Variants in TPGS1 observed in about 807,000 individuals in gnomAD.
TPGS1 encodes gene trap ROSA b-geo 22.
A neutral mutation model predicts 11.9 loss-of-function variants in TPGS1; 18 were observed. The ratio of observed to expected loss-of-function variants is 1.51; its 90% CI spans 1.04 to 2.24. The LOEUF (loss-of-function observed/expected upper bound fraction) is 2.24, where lower values mean the gene tolerates loss of function less well. TPGS1 is among the 30% of genes most tolerant of loss of function. The pLI is 0.00. For synonymous variants in TPGS1, 247 were observed against 218.2 expected, an observed-to-expected ratio of 1.13 and a Z score of -1.16; for missense variants, 500 against 443.0, an observed-to-expected ratio of 1.13 and a Z score of -1.16.
intron 1 of TPGS1, among the ~76,000 whole-genome samples, chr19:513,021 C>T (rs1297444889): frequency 6.6e-6 from 1 of 152,220 alleles, no homozygotes; most frequent in African/African-American, 2.4e-5. Context: ...CCTAAGAGAC[C>T]CCAAGCCAGA....
At chr19:510,931 G>C (rs1173528174) in intron 1 of TPGS1, among the ~76,000 whole-genome samples, 2 of 152,250 alleles carry the variant, frequency 1.3e-5, no homozygotes, top group Non-Finnish European at 2.9e-5. Context: ...TCCCCGAGTC[G>C]TGACAACCAC....
chr19:510,329 C>A (rs530414228), intron 1 of TPGS1: 6 of 151,670 alleles, frequency 4.0e-5, no homozygotes, highest in Admixed American at 2.6e-4. Context: ...GCCGAGATCG[C>A]GCCACTGCAC....
At chr19:517,222 G>A (rs994840993) in intron 1 of TPGS1, among the ~76,000 whole-genome samples, 1 of 149,524 alleles carries the variant, frequency 6.7e-6, no homozygotes, top group African/African-American at 2.5e-5. Flanking sequence ...CAGGGGAGGC[G>A]ACATTTGAGG....
rs1309610582 is a variant in TPGS1, at chr19:519,476, G to C, written c.*53G>C. 2 of 1,174,572 alleles carry C rather than the reference G, an allele frequency of 1.7e-6. No homozygotes were observed. The highest frequency in any genetic ancestry group is 2.1e-6 in the Non-Finnish European group (2 of 949,380). 72.8% of individuals were successfully genotyped at this position (1,174,572 alleles called of 1,614,324 possible). A position where few individuals can be genotyped will look rare whatever the true frequency, so the allele number is the denominator to read the frequency against. ...CTGCGCTGGGGGGTCCCCGCGTGCG[G>C]GGCGCGCGGAGCCTTCCCTTCGCCC... On this transcript the variant is annotated 3_prime_UTR_variant, in exon 2 of 2. Coordinates refer to ENST00000359315, the MANE Select transcript of TPGS1 (RefSeq NM_033513.3).
In TPGS1 at chr19:507,688, A is replaced by C. The variant is rs1440172877; in HGVS notation, c.182A>C (p.Glu61Ala). Residue 61 changes from glutamate (E) to alanine (A), a missense_variant, in exon 1 of 2, where the codon GAG becomes GCG. By Grantham distance (107) the Glu-to-Ala change is moderately radical. Transcript: ENST00000359315. The stretch of plus-strand genomic sequence containing the variant: ...CTGAAGGTGCTGGAGGCGCGGCCCG[A>C]GGAGCCGATCGCCTTCCTGGCTCAC... ...ALLKVLEARPEEPIAFLAHYF... is the reference protein window; with the variant it reads ...ALLKVLEARPAEPIAFLAHYF... The C allele has an allele frequency of 7.2e-7, 1 of 1,380,686 alleles. No homozygotes were observed. Among genetic ancestry groups the C allele is most frequent in the Admixed American group, 3.4e-5 (1 of 29,198 alleles). 85.5% of individuals were successfully genotyped at this position (1,380,686 alleles called of 1,614,324 possible).
Position 519,500 on chromosome 19 carries a change from C to G in TPGS1, c.*77C>G. 1 of 1,135,940 alleles carries G rather than the reference C, an allele frequency of 8.8e-7. No individual in the cohort carries two copies. Among genetic ancestry groups the G allele is most frequent in the Non-Finnish European group, 1.1e-6 (1 of 919,172 alleles). 70.4% of individuals were successfully genotyped at this position (1,135,940 alleles called of 1,614,324 possible). ...GGGGCGCGCGGAGCCTTCCCTTCGC[C>G]CTGGTGAGGCCCTGCCATAACCAGG... On this transcript the variant is annotated 3_prime_UTR_variant, in exon 2 of 2. Coordinates refer to ENST00000359315, the MANE Select transcript of TPGS1 (RefSeq NM_033513.3).
chr19:510,372 C>G (rs77140205), intron 1 of TPGS1: 1 of 132,596 alleles, frequency 7.5e-6, no homozygotes, highest in Non-Finnish European at 1.6e-5. Context: ...GACTCTGTCT[C>G]AAAAAAAAAA....
Position 519,185 on chromosome 19 carries a change from T to C in TPGS1, c.635T>C (p.Val212Ala). 10 of 1,487,978 alleles carry C rather than the reference T, an allele frequency of 6.7e-6. No homozygotes were observed. Among genetic ancestry groups the C allele is most frequent in the Non-Finnish European group, 8.9e-6 (10 of 1,126,824 alleles). 92.2% of individuals were successfully genotyped at this position (1,487,978 alleles called of 1,614,324 possible). ...FQLLEDSAAAVADRRVGQAVL... is the reference protein window; with the variant it reads ...FQLLEDSAAAAADRRVGQAVL... Reference sequence around the variant, plus strand: ...CTGCTGGAGGACTCGGCCGCCGCCGTGGCCGACCGCCGCGTGGGCCAGGCC... The same window carrying C: ...CTGCTGGAGGACTCGGCCGCCGCCGCGGCCGACCGCCGCGTGGGCCAGGCC... Residue 212 changes from valine to alanine, a missense_variant, in exon 2 of 2, where the codon GTG becomes GCG. Val to Ala is a moderately conservative substitution (Grantham distance 64). Coordinates refer to ENST00000359315, the MANE Select transcript of TPGS1 (RefSeq NM_033513.3).
At chr19:515,104 G>A (rs1379569238) in intron 1 of TPGS1, among the ~76,000 whole-genome samples, 1 of 152,320 alleles carries the variant, frequency 6.6e-6, no homozygotes, top group African/African-American at 2.4e-5. Context: ...GGTTCTGGTC[G>A]GAAGCTGCCA....
chr19:508,029 C>T (rs764815776), intron 1 of TPGS1, 185 bp downstream of exon 1: 2 of 443,834 alleles, frequency 4.5e-6, no homozygotes, highest in Middle Eastern at 6.0e-4. Flanking sequence ...GGCTTCGGTC[C>T]GGCGCTAGGC....
chr19:512,160 T>TG (rs1978816265), intron 1 of TPGS1, among the ~76,000 whole-genome samples: 1 of 151,268 alleles, frequency 6.6e-6, no homozygotes, highest in African/African-American at 2.4e-5. Flanking sequence ...CATAAGCCAC[T>TG]GTGCCTGGCC....
At chr19:511,138 T>C (rs1978782930) in intron 1 of TPGS1, among the ~76,000 whole-genome samples, 1 of 152,212 alleles carries the variant, frequency 6.6e-6, no homozygotes, top group Admixed American at 6.5e-5. Flanking sequence ...GCTCCCGCTT[T>C]CCATTTTGCA....
intron 1 of TPGS1, chr19:510,088 G>C (rs1978738590): frequency 6.6e-6 from 1 of 152,338 alleles, no homozygotes; most frequent in African/African-American, 2.4e-5. Context: ...GAGAAGCCCA[G>C]AGCAGCCGGG....
intron 1 of TPGS1, among the ~76,000 whole-genome samples, chr19:517,753 G>A (rs1192748308): frequency 2.1e-5 from 2 of 96,216 alleles, no homozygotes; most frequent in Non-Finnish European, 4.3e-5. Flanking sequence ...GGGCTGGGAC[G>A]GGGGAGGCCA....
intron 1 of TPGS1, among the ~76,000 whole-genome samples, chr19:514,687 G>C (rs1261848378): frequency 1.3e-5 from 2 of 152,254 alleles, no homozygotes; most frequent in Non-Finnish European, 2.9e-5. Flanking sequence ...CGTAAGCCCT[G>C]AGGTTGGCCA....
intron 1 of TPGS1, chr19:509,713 A>G (rs1236622870): frequency 6.6e-6 from 1 of 152,386 alleles, no homozygotes; most frequent in African/African-American, 2.4e-5. Flanking sequence ...TGTGACCTCA[A>G]CCGCCTACAT....
chr19:509,625 C>T (rs1978726691), intron 1 of TPGS1: 1 of 152,422 alleles, frequency 6.6e-6, no homozygotes, highest in Admixed American at 6.5e-5. Flanking sequence ...GTCTCTGCCT[C>T]CGTCGTCACG....
At position 519,315 on chromosome 19, in the gene TPGS1, G is replaced by C. The variant is rs927720581; in HGVS notation, c.765G>C (p.Ala255=). The change falls in exon 2 of 2, where the codon GCG becomes GCC. Residue 255 remains alanine (A), a synonymous_variant. Coordinates refer to ENST00000359315, the MANE Select transcript of TPGS1 (RefSeq NM_033513.3). ...SRLGPDSLAL[A]LDRAVGGRRP... ...TGGGGCCCGACAGCCTGGCGCTGGC[G>C]CTGGACCGCGCCGTCGGGGGGCGGC... 8.4e-7 allele frequency: 1 copy of C among 1,187,620 alleles called. No homozygotes were observed. Among genetic ancestry groups the C allele is most frequent in the Non-Finnish European group, 1.0e-6 (1 of 959,230 alleles). The allele number at this position is 1,187,620 out of a possible 1,614,324, so 73.6% of individuals were successfully genotyped here. A position where few individuals can be genotyped will look rare whatever the true frequency, so the allele number is the denominator to read the frequency against.
chr19:512,568 A>C (rs11666491), intron 1 of TPGS1, among the ~76,000 whole-genome samples: 87,638 of 152,012 alleles, frequency 0.58, 25,630 homozygotes, highest in African/African-American at 0.63. Flanking sequence ...TCCCGCTGAA[A>C]GTGGGCCACG....
Sources: gnomAD v4.1 joint callset for allele counts (sites outside exome capture counted in the v4.1 genomes callset) on GRCh38, gnomAD v4.1.1 for gene constraint, MANE v1.5 for transcripts, NCBI Gene and HGNC (gene_info 2026-07-23, HGNC 2026-07-21) for gene names.